The following ALK variants were observed in gnomAD, a reference collection of about 807,000 sequenced individuals.
ALK encodes the protein ALK tyrosine kinase receptor.
A neutral mutation model predicts 163.1 loss-of-function variants in ALK; 74 were observed. That is an observed-to-expected ratio of 0.45 (90% CI 0.38 to 0.55). The LOEUF is 0.55. Ranked by LOEUF, ALK falls within the 20% of genes least tolerant of loss-of-function variation. ALK has a pLI of 0.00. For missense variants in ALK, 2,063 were observed against 2,105.3 expected (o/e 0.98, Z 0.39); for synonymous variants, 960 against 843.2 (o/e 1.14, Z -2.40).
chr2:29,662,120 C>T (rs1022648646), intron 3 of ALK, among the ~76,000 whole-genome samples: 3 of 152,032 alleles, frequency 2.0e-5, no homozygotes, highest in Non-Finnish European at 4.4e-5. Flanking sequence ...CAATGTTGCC[C>T]AGACTGGTTT....
intron 3 of ALK, among the ~76,000 whole-genome samples, chr2:29,629,139 A>G (rs576337825): frequency 2.0e-5 from 3 of 152,292 alleles, no homozygotes; most frequent in South Asian, 2.1e-4. Flanking sequence ...AGACCTGAAC[A>G]CCGTTGGAGA....
At chr2:29,319,524 A>G (rs1666943981) in intron 7 of ALK, among the ~76,000 whole-genome samples, 1 of 151,914 alleles carries the variant, frequency 6.6e-6, no homozygotes, top group African/African-American at 2.4e-5. Flanking sequence ...TTGGTGGGAG[A>G]GGGGGTAGTT....
At chr2:29,539,802 C>T (rs932866531) in intron 3 of ALK, among the ~76,000 whole-genome samples, 3 of 152,070 alleles carry the variant, frequency 2.0e-5, no homozygotes, top group African/African-American at 7.2e-5. Context: ...TCTTTTTATG[C>T]TTTATTGTCT....
rs1326395256 is a variant in ALK at position 29,551,546 on chromosome 2, T to C, written c.953-19430A>G. Among the ~76,000 whole-genome samples, 4 of 152,230 alleles carry C rather than the reference T, an allele frequency of 2.6e-5. No homozygotes were observed. In the South Asian group the frequency reaches 6.2e-4, roughly 24 times the overall value. ...ACAAAGCTGATAACTGAGTAAGCAA[T>C]AGAACTAAGACAAAAAAACCCTGGT... On this transcript the variant is annotated intron_variant, in intron 3 of 28. Coordinates refer to ENST00000389048, the MANE Select transcript of ALK (RefSeq NM_004304.5).
chr2:29,856,758 GA>G (rs1181245783), intron 1 of ALK, among the ~76,000 whole-genome samples: 2 of 152,216 alleles, frequency 1.3e-5, no homozygotes, highest in African/African-American at 4.8e-5. Flanking sequence ...ATGGGTGAAG[GA>G]GAAAAGAAAC....
intron 5 of ALK, among the ~76,000 whole-genome samples, chr2:29,331,415 C>A (rs186045826): frequency 9.5e-4 from 145 of 152,234 alleles, no homozygotes; most frequent in African/African-American, 3.3e-3. Flanking sequence ...GTCCTGGAAT[C>A]AATCCCCCAC....
Position 29,227,997 on chromosome 2 carries a change from C to T in ALK, c.2816-325G>A, listed in dbSNP as rs529066689. ...AGGCTGGGATATGCCCATGGTGCCT[C>T]TCCCAGGACTGGTCAGGATGGTAGC... On this transcript the variant is annotated intron_variant, in intron 16 of 28. Transcript: ENST00000389048. The surrounding 1 kb of genome is among the most constrained non-coding windows in gnomAD (Gnocchi z 4.4). 6.6e-6 allele frequency among the ~76,000 whole-genome samples: 1 copy of T among 152,352 alleles called. No homozygotes were observed. Among genetic ancestry groups the T allele is most frequent in the South Asian group, 2.1e-4 (1 of 4,826 alleles).
intron 1 of ALK, among the ~76,000 whole-genome samples, chr2:29,728,208 C>G (rs572208382): frequency 6.6e-6 from 1 of 152,342 alleles, no homozygotes; most frequent in African/African-American, 2.4e-5. Context: ...GCTTTATAGT[C>G]ATTGCCCCAC....
chr2:29,814,045 G>A (rs1206059589), intron 1 of ALK, among the ~76,000 whole-genome samples: 1 of 152,154 alleles, frequency 6.6e-6, no homozygotes, highest in Non-Finnish European at 1.5e-5. Flanking sequence ...AAGGAATAAA[G>A]AAACTTGGGG....
At chr2:29,225,283 G>C (rs551767053) in intron 19 of ALK, among the ~76,000 whole-genome samples, 178 bp downstream of exon 19, 5 of 152,130 alleles carry the variant, frequency 3.3e-5, no homozygotes, top group South Asian at 4.1e-4. Context: ...CTGCTCTGGT[G>C]GGGGGAAGGT....
At chr2:29,792,964 T>C (rs1255194132) in intron 1 of ALK, among the ~76,000 whole-genome samples, 3 of 152,194 alleles carry the variant, frequency 2.0e-5, no homozygotes, top group African/African-American at 7.2e-5. Flanking sequence ...ATGAAGTTTG[T>C]TGCATCCATT....
chr2:29,845,360 T>G (rs1375515422), intron 1 of ALK, among the ~76,000 whole-genome samples: 1 of 152,178 alleles, frequency 6.6e-6, no homozygotes, highest in Non-Finnish European at 1.5e-5. Context: ...GGTTTCACGG[T>G]TAAGTAAGCT....
intron 23 of ALK, among the ~76,000 whole-genome samples, chr2:29,217,058 T>G (rs1669643059): frequency 1.4e-5 from 2 of 138,646 alleles, no homozygotes; most frequent in South Asian, 4.8e-4. Flanking sequence ...TGGTGTGTGT[T>G]GTATGTGTAT....
intron 3 of ALK, among the ~76,000 whole-genome samples, chr2:29,692,520 C>T (rs1573559968): frequency 6.6e-6 from 1 of 152,236 alleles, no homozygotes; most frequent in Non-Finnish European, 1.5e-5. Flanking sequence ...CAACCTAGAA[C>T]CCTTGCATGC....
chr2:29,882,981 C>T (rs897674139), intron 1 of ALK, among the ~76,000 whole-genome samples: 3 of 151,374 alleles, frequency 2.0e-5, no homozygotes, highest in East Asian at 2.0e-4. Context: ...TGGTCATAAA[C>T]GGAAGTGCAA....
chr2:29,216,571 ACAGT>A (rs200060717), intron 23 of ALK, among the ~76,000 whole-genome samples: 3,951 of 152,176 alleles, frequency 0.026, 154 homozygotes, highest in African/African-American at 0.09. Flanking sequence ...CACAGGGCAG[ACAGT>A]CAGCAAGCGT....
chr2:29,688,123 A>T (rs1678291542), intron 3 of ALK, among the ~76,000 whole-genome samples: 1 of 152,200 alleles, frequency 6.6e-6, no homozygotes, highest in Non-Finnish European at 1.5e-5. Flanking sequence ...TTCTAAGAAA[A>T]GAGGATAAAG....
At chr2:29,456,929 A>T (rs779658755) in intron 4 of ALK, among the ~76,000 whole-genome samples, 1 of 152,200 alleles carries the variant, frequency 6.6e-6, no homozygotes, top group Non-Finnish European at 1.5e-5. Context: ...GAATAACTGA[A>T]AAGTGGCCAC....
intron 1 of ALK, among the ~76,000 whole-genome samples, chr2:29,776,166 A>G (rs1456848014): frequency 6.6e-6 from 1 of 151,828 alleles, no homozygotes; most frequent in East Asian, 1.9e-4. Context: ...AAGAAGCATG[A>G]CATATGTAAC....
Sources: gnomAD v4.1 joint callset for allele counts (sites outside exome capture counted in the v4.1 genomes callset) on GRCh38, gnomAD v4.1.1 for gene constraint, Gnocchi (gnomAD v3.1) non-coding constraint, MANE v1.5 for transcripts, NCBI Gene and HGNC (gene_info 2026-07-23, HGNC 2026-07-21) for gene names.